Variants in GFRA1 observed in about 807,000 individuals in gnomAD.
GFRA1 encodes GDNF family receptor alpha 1, also known as GDNF family receptor alpha-1.
In GFRA1, 16 loss-of-function variants were observed where a neutral mutation model predicts 51.6. The observed-to-expected ratio is 0.31, with a 90% confidence interval of 0.21 to 0.47. The LOEUF is 0.47. GFRA1 is among the 20% of genes least tolerant of loss of function. The pLI is 1.00. For synonymous variants in GFRA1, 270 were observed against 241.3 expected (o/e 1.12, Z -1.10); for missense variants, 530 against 594.3 (o/e 0.89, Z 1.13).
intron 4 of GFRA1, among the ~76,000 whole-genome samples, chr10:116,218,883 C>T (rs1260584913): frequency 1.3e-5 from 2 of 152,178 alleles, no homozygotes; most frequent in Non-Finnish European, 2.9e-5. Context: ...CTCTCGTTTT[C>T]ATTGCTGCTG....
intron 4 of GFRA1, among the ~76,000 whole-genome samples, chr10:116,218,913 C>T (rs892678387): frequency 3.3e-5 from 5 of 152,098 alleles, no homozygotes; most frequent in African/African-American, 1.2e-4. Context: ...CACCTTTTAT[C>T]ATATTAGAAA....
At chr10:116,172,680 C>A (rs557666136) in intron 5 of GFRA1, among the ~76,000 whole-genome samples, 1 of 152,180 alleles carries the variant, frequency 6.6e-6, no homozygotes, top group Non-Finnish European at 1.5e-5. Context: ...GGCTGGGGGA[C>A]GGGCATGTGT....
At chr10:116,268,988 A>G (rs1304299740) in intron 4 of GFRA1, among the ~76,000 whole-genome samples, 3 of 152,244 alleles carry the variant, frequency 2.0e-5, no homozygotes, top group African/African-American at 7.2e-5. Context: ...AAAAAATAGA[A>G]GCAAAAGAAT....
intron 5 of GFRA1, among the ~76,000 whole-genome samples, chr10:116,181,839 T>TTCGCTGTGTTAGCCAGGATGGTCTCGA (rs1962258187): frequency 6.6e-6 from 1 of 152,156 alleles, no homozygotes; most frequent in Admixed American, 6.5e-5. Flanking sequence ...GAGATAGGGT[T>TTCGCTGTGTTAGCCAGGATGGTCTCGA]TCGCTGTGTT....
intron 4 of GFRA1, among the ~76,000 whole-genome samples, chr10:116,244,229 C>T (rs1435006908): frequency 1.3e-5 from 2 of 151,170 alleles, no homozygotes; most frequent in Non-Finnish European, 2.9e-5. Context: ...ATCTGAAAAA[C>T]TGCCTTATAG....
intron 5 of GFRA1, among the ~76,000 whole-genome samples, chr10:116,196,841 A>G (rs1465733017): frequency 1.2e-5 from 1 of 80,648 alleles, no homozygotes; most frequent in Non-Finnish European, 2.7e-5. Flanking sequence ...AAATATATAT[A>G]TATATATTTT....
intron 9 of GFRA1, among the ~76,000 whole-genome samples, chr10:116,066,369 C>A (rs1448726561): frequency 1.3e-5 from 2 of 152,148 alleles, no homozygotes; most frequent in Admixed American, 1.3e-4. Context: ...CAGAGCAGTA[C>A]AGATACTCAA....
intron 5 of GFRA1, among the ~76,000 whole-genome samples, chr10:116,181,786 C>T (rs1217403403): frequency 6.6e-6 from 1 of 152,040 alleles, no homozygotes; most frequent in African/African-American, 2.4e-5. Flanking sequence ...TACAGGCGCC[C>T]GCGCCCGCTA....
At chr10:116,199,038 G>T (rs1180609929) in intron 5 of GFRA1, among the ~76,000 whole-genome samples, 1 of 152,104 alleles carries the variant, frequency 6.6e-6, no homozygotes, top group East Asian at 1.9e-4. Flanking sequence ...GAATACTACG[G>T]GCTGCTGAGA....
At chr10:116,137,176 A>C (rs1373166630) in intron 5 of GFRA1, among the ~76,000 whole-genome samples, 1 of 152,174 alleles carries the variant, frequency 6.6e-6, no homozygotes, top group Non-Finnish European at 1.5e-5. Flanking sequence ...CTTCTACTAC[A>C]CAATCTACAA....
chr10:116,113,066 T>C (rs995938929), intron 6 of GFRA1, among the ~76,000 whole-genome samples: 3 of 152,190 alleles, frequency 2.0e-5, no homozygotes, highest in African/African-American at 7.2e-5. Context: ...AGTGAGACCA[T>C]AACTATTTTC....
chr10:116,148,635 C>T (rs1589825627), intron 5 of GFRA1, among the ~76,000 whole-genome samples: 1 of 152,136 alleles, frequency 6.6e-6, no homozygotes, highest in Non-Finnish European at 1.5e-5. Context: ...GCCAGGACTC[C>T]CACGCTCAAA....
rs533196050 is a variant in GFRA1 at position 116,156,641 on chromosome 10, T to C, written c.434-31084A>G. Reference sequence around the variant, plus strand: ...AAATAGCCTGATAATCTGATTCCAATTAAATGGTGAAGATCTACAATAAGA... The same window carrying C: ...AAATAGCCTGATAATCTGATTCCAACTAAATGGTGAAGATCTACAATAAGA... On this transcript the variant is annotated intron_variant, in intron 5 of 10. Transcript: ENST00000355422. 4.6e-5 allele frequency among the ~76,000 whole-genome samples: 7 copies of C among 152,298 alleles called. No individual in the cohort carries two copies. In the East Asian group the frequency reaches 1.4e-3, roughly 29 times the overall value.
intron 4 of GFRA1, among the ~76,000 whole-genome samples, chr10:116,265,982 C>T (rs71472886): frequency 0.037 from 5,670 of 152,202 alleles, 178 homozygotes; most frequent in Non-Finnish European, 0.049. Flanking sequence ...CCTGACTTGG[C>T]TACTTGGTTT....
chr10:116,222,506 G>C (rs1240865988), intron 4 of GFRA1, among the ~76,000 whole-genome samples: 1 of 152,152 alleles, frequency 6.6e-6, no homozygotes, highest in Non-Finnish European at 1.5e-5. Context: ...GTCATGGATT[G>C]CATTTTGATC....
chr10:116,058,812 G>T lies in GFRA1; in HGVS notation c.*5586C>A, dbSNP rs1954671015. On this transcript the variant is annotated 3_prime_UTR_variant, in exon 11 of 11. Transcript: ENST00000355422. ...TGTTGCTTCTCAGGATACTGATGGA[G>T]AAGTTGTCACCCCTGGGGTTTGTCT... 6.6e-6 allele frequency: 1 copy of T among 152,216 alleles called. No homozygotes were observed. 9.4% of individuals were successfully genotyped at this position (152,216 alleles called of 1,614,324 possible).
chr10:116,260,833 C>T (rs1459119722), intron 4 of GFRA1, among the ~76,000 whole-genome samples: 1 of 152,152 alleles, frequency 6.6e-6, no homozygotes, highest in Non-Finnish European at 1.5e-5. Context: ...TCATCACTGA[C>T]CCAGCTAGTT....
rs528852528 is a variant in GFRA1, at chr10:116,058,264, G to A, written c.*6134C>T. ...TCTTAGGATCTGTGTTATGCTTGCA[G>A]GTGTCAGGGGTCAATGTGCACATTC... On this transcript the variant is annotated 3_prime_UTR_variant, in exon 11 of 11. Coordinates refer to ENST00000355422, the MANE Select transcript of GFRA1 (RefSeq NM_005264.8). 1 of 152,326 alleles carries A rather than the reference G, an allele frequency of 6.6e-6. No homozygotes were observed. Among genetic ancestry groups the A allele is most frequent in the South Asian group, 2.1e-4 (1 of 4,814 alleles). 9.4% of individuals were successfully genotyped at this position (152,326 alleles called of 1,614,324 possible).
Position 116,061,339 on chromosome 10 carries a change from T to C in GFRA1, c.*3059A>G, listed in dbSNP as rs1216865932. ...AAAAATAACCTATGTTAATCTCAACTTATACTTTTTTTATTACAGACTTGA... is the reference window on the plus strand; with the variant it reads ...AAAAATAACCTATGTTAATCTCAACCTATACTTTTTTTATTACAGACTTGA... On this transcript the variant is annotated 3_prime_UTR_variant, in exon 11 of 11. Coordinates refer to ENST00000355422, the MANE Select transcript of GFRA1 (RefSeq NM_005264.8). 6.6e-6 allele frequency: 1 copy of C among 151,996 alleles called. No individual in the cohort carries two copies. Among genetic ancestry groups the C allele is most frequent in the Non-Finnish European group, 1.5e-5 (1 of 68,022 alleles). 9.4% of individuals were successfully genotyped at this position (151,996 alleles called of 1,614,324 possible).
Sources: allele counts gnomAD v4.1 joint callset (sites outside exome capture counted in the v4.1 genomes callset), GRCh38; gene constraint gnomAD v4.1.1; transcripts MANE v1.5; gene names NCBI Gene and HGNC (gene_info 2026-07-23, HGNC 2026-07-21).